The following PTPRK variants were observed in gnomAD, a reference collection of about 807,000 sequenced individuals.
PTPRK encodes the protein receptor-type tyrosine-protein phosphatase kappa.
Under a neutral mutation model 178.0 loss-of-function variants are expected in PTPRK, and 75 were observed. The observed-to-expected ratio is 0.42, with a 90% CI of 0.35 to 0.51. PTPRK has a LOEUF of 0.51. Ranked by LOEUF, PTPRK falls within the 20% of genes least tolerant of loss-of-function variation. The pLI is 0.02. For synonymous variants in PTPRK, 637 were observed against 620.6 expected (o/e 1.03, Z -0.39); for missense variants, 1,441 against 1,797.8 (o/e 0.80, Z 3.59).
chr6:128,131,629 C>T (rs1306828654), intron 7 of PTPRK, among the ~76,000 whole-genome samples: 5 of 152,136 alleles, frequency 3.3e-5, no homozygotes, highest in African/African-American at 9.7e-5. Flanking sequence ...AAAATTAGGA[C>T]GCCTGCAGAA....
intron 1 of PTPRK, among the ~76,000 whole-genome samples, chr6:128,513,398 T>A (rs1424638721): frequency 1.3e-5 from 2 of 150,406 alleles, no homozygotes; most frequent in African/African-American, 4.9e-5. Context: ...CAGGAGAATC[T>A]CTTGAACCCA....
intron 1 of PTPRK, among the ~76,000 whole-genome samples, chr6:128,469,722 A>G (rs1261704852): frequency 6.6e-6 from 1 of 152,180 alleles, no homozygotes; most frequent in Non-Finnish European, 1.5e-5. Flanking sequence ...GTTGATAATC[A>G]GCTGACGTTG....
intron 3 of PTPRK, among the ~76,000 whole-genome samples, chr6:128,264,499 T>C (rs1441798396): frequency 6.6e-6 from 1 of 152,082 alleles, no homozygotes; most frequent in Non-Finnish European, 1.5e-5. Context: ...ATTATTTTTT[T>C]AGAGACAGGG....
intron 1 of PTPRK, among the ~76,000 whole-genome samples, chr6:128,411,519 T>C (rs1842308545): frequency 6.6e-6 from 1 of 152,170 alleles, no homozygotes; most frequent in Non-Finnish European, 1.5e-5. Context: ...ATTCTCTACA[T>C]ATTGACAGCT....
intron 7 of PTPRK, among the ~76,000 whole-genome samples, chr6:128,132,419 G>A (rs201770117): frequency 1.3e-5 from 2 of 152,128 alleles, no homozygotes; most frequent in Non-Finnish European, 2.9e-5. Context: ...TGATCCGCCC[G>A]CCTCGGCCTC....
At chr6:128,203,187 G>C (rs191325327) in intron 6 of PTPRK, among the ~76,000 whole-genome samples, 2 of 152,076 alleles carry the variant, frequency 1.3e-5, no homozygotes, top group Non-Finnish European at 2.9e-5. Context: ...CATGATTATC[G>C]CAATAGATGC....
chr6:128,491,879 A>G (rs778957203), intron 1 of PTPRK: 10 of 489,772 alleles, frequency 2.0e-5, no homozygotes, highest in African/African-American at 2.0e-4. Flanking sequence ...GGTAACTAAC[A>G]GGCTAATCTT....
chr6:128,366,223 AGAT>A (rs553926433), intron 2 of PTPRK, among the ~76,000 whole-genome samples: 5 of 152,154 alleles, frequency 3.3e-5, no homozygotes, highest in Non-Finnish European at 5.9e-5. Context: ...TGCAGGTGTT[AGAT>A]GATACTTTTG....
At chr6:128,108,899 G>A (rs1037543509) in intron 7 of PTPRK, among the ~76,000 whole-genome samples, 1 of 152,018 alleles carries the variant, frequency 6.6e-6, no homozygotes, top group Non-Finnish European at 1.5e-5. Context: ...CTCTTTCTCT[G>A]ATAAGGACAC....
intron 2 of PTPRK, among the ~76,000 whole-genome samples, chr6:128,379,928 C>T (rs1366350618): frequency 6.6e-6 from 1 of 151,960 alleles, no homozygotes; most frequent in East Asian, 1.9e-4. Flanking sequence ...TTTGTTTTTA[C>T]TTATGTCTTT....
chr6:128,336,169 G>C (rs1333025463), intron 2 of PTPRK, among the ~76,000 whole-genome samples: 1 of 149,816 alleles, frequency 6.7e-6, no homozygotes, highest in African/African-American at 2.5e-5. Flanking sequence ...CATGACGCAA[G>C]TGACCTCCAT....
chr6:127,976,729 T>C lies in PTPRK; in HGVS notation c.3897A>G (p.Gln1299=). 1.2e-6 allele frequency: 2 copies of C among 1,613,960 alleles called. No homozygotes were observed. Among genetic ancestry groups the C allele is most frequent in the Non-Finnish European group, 1.7e-6 (2 of 1,179,930 alleles). The part of the protein sequence containing the change: ...EEGMLRYGPI[Q]VECMSCSMDC... The stretch of plus-strand genomic sequence containing the variant: ...CCATTGAACAAGACATACATTCCAC[T>C]TGGATGGGGCCATATCGTAGCATCC... Residue 1299 remains glutamine (Q), a synonymous_variant, in exon 27 of 30, where the codon CAA becomes CAG. Transcript: ENST00000368226.
intron 2 of PTPRK, among the ~76,000 whole-genome samples, chr6:128,360,671 T>A (rs188948700): frequency 6.6e-6 from 1 of 152,044 alleles, no homozygotes; most frequent in African/African-American, 2.4e-5. Context: ...CAGGACCTAA[T>A]GTGTGACTCC....
chr6:128,271,245 G>A (rs1471440912), intron 3 of PTPRK, among the ~76,000 whole-genome samples: 1 of 152,134 alleles, frequency 6.6e-6, no homozygotes, highest in Non-Finnish European at 1.5e-5. Context: ...AGCCACAGCA[G>A]TTGCCAAGTC....
chr6:128,388,633 C>T (rs1839113822), intron 2 of PTPRK, among the ~76,000 whole-genome samples: 1 of 152,162 alleles, frequency 6.6e-6, no homozygotes, highest in African/African-American at 2.4e-5. Context: ...TATCCTATAT[C>T]TCTATATACC....
At chr6:128,096,356 T>G (rs1787900564) in intron 7 of PTPRK, among the ~76,000 whole-genome samples, 1 of 152,174 alleles carries the variant, frequency 6.6e-6, no homozygotes, top group Admixed American at 6.5e-5. Context: ...ATTTAACACG[T>G]GGTTCTAGAT....
chr6:128,243,116 G>C (rs1814763407), intron 3 of PTPRK, among the ~76,000 whole-genome samples: 1 of 152,062 alleles, frequency 6.6e-6, no homozygotes, highest in South Asian at 2.1e-4. Context: ...GATTGGGATG[G>C]CATGTTTGGA....
chr6:128,256,582 T>C (rs1483397348), intron 3 of PTPRK, among the ~76,000 whole-genome samples: 4 of 151,806 alleles, frequency 2.6e-5, no homozygotes, highest in Non-Finnish European at 5.9e-5. Context: ...GGATTACAGT[T>C]GCATGCCACC....
chr6:128,311,961 G>A (rs776040506), intron 3 of PTPRK, among the ~76,000 whole-genome samples: 1 of 152,086 alleles, frequency 6.6e-6, no homozygotes, highest in Admixed American at 6.6e-5. Flanking sequence ...TAGTTTAGAC[G>A]ACACAGGAAC....
Sources: gnomAD v4.1 joint callset for allele counts (sites outside exome capture counted in the v4.1 genomes callset) on GRCh38, gnomAD v4.1.1 for gene constraint, MANE v1.5 for transcripts, NCBI Gene and HGNC (gene_info 2026-07-23, HGNC 2026-07-21) for gene names.